Variants in RUFY1 observed in about 807,000 individuals in gnomAD.
RUFY1 encodes RUN and FYVE domain-containing protein 1.
Under a neutral mutation model 94.6 loss-of-function variants are expected in RUFY1, and 54 were observed. That is an observed-to-expected ratio of 0.57 (90% CI 0.46 to 0.72). RUFY1 has a LOEUF of 0.72. RUFY1 is among the 30% of genes least tolerant of loss of function. RUFY1 has a pLI of 0.00. For synonymous variants in RUFY1, 396 were observed against 347.3 expected, an observed-to-expected ratio of 1.14 and a Z score of -1.56; for missense variants, 883 against 883.9, an observed-to-expected ratio of 1.00 and a Z score of 0.01.
At chr5:179,609,206 CAAA>C (rs5873655) in intron 17 of RUFY1, among the ~76,000 whole-genome samples, 167 bp from the exon 18 acceptor site, 47,625 of 121,140 alleles carry the variant, frequency 0.39, 8,996 homozygotes, top group Non-Finnish European at 0.44. Context: ...GACTCTATCT[CAAA>C]AAAAAAAAAA....
In RUFY1 at chr5:179,593,493, C is replaced by CT. The variant is rs1425858478; in HGVS notation, c.1262dup (p.Glu422GlyfsTer42). 1 of 1,594,990 alleles carries CT rather than the reference C, an allele frequency of 6.3e-7. No homozygotes were observed. Among genetic ancestry groups the CT allele is most frequent in the African/African-American group, 1.3e-5 (1 of 74,522 alleles). On this transcript the variant is annotated frameshift_variant, in exon 11 of 18. Transcript: ENST00000319449. LOFTEE classifies it high-confidence loss of function. ...TCCTTTTAAGGAACTGGAAAAAGAA[C>CT]TGGAGTTACAAATTGGAATGAAAAC...
At position 179,577,159 on chromosome 5, in the gene RUFY1, CTTTTTTTTTTT is replaced by C. The variant is rs748319712; in HGVS notation, c.890+43_890+53del. 1.3e-3 allele frequency: 240 copies of C among 186,696 alleles called. 1 individual carries two copies. Among genetic ancestry groups the C allele is most frequent in the African/African-American group, 1.8e-3 (23 of 12,974 alleles). 11.6% of individuals were successfully genotyped at this position (186,696 alleles called of 1,614,324 possible). A position where few individuals can be genotyped will look rare whatever the true frequency, so the allele number is the denominator to read the frequency against. ...GGAGTAAGTACTGCGTTGTATGTCA[CTTTTTTTTTTT>C]TTTTTTTTTTTTTTTTTTTGAGACA... On this transcript the variant is annotated intron_variant, in intron 6 of 17. Coordinates refer to ENST00000319449, the MANE Select transcript of RUFY1 (RefSeq NM_025158.5).
intron 2 of RUFY1, among the ~76,000 whole-genome samples, chr5:179,560,555 TAA>T (rs35636829): frequency 7.0e-6 from 1 of 143,790 alleles, no homozygotes; most frequent in Non-Finnish European, 1.5e-5. Context: ...CGGTCTCTAC[TAA>T]AAAAAAAAAA....
chr5:179,598,596 C>A, intron 13 of RUFY1, 96 bp from the exon 14 acceptor site: 1 of 1,447,540 alleles, frequency 6.9e-7, no homozygotes, highest in Non-Finnish European at 9.6e-7. Context: ...AGAGGCAATT[C>A]AGAGACTTCC....
At chr5:179,575,631 A>C (rs1346532844) in intron 5 of RUFY1, among the ~76,000 whole-genome samples, 1 of 152,202 alleles carries the variant, frequency 6.6e-6, no homozygotes, top group Non-Finnish European at 1.5e-5. Context: ...GGTTGGAAAT[A>C]TGGATGGATT....
intron 6 of RUFY1, among the ~76,000 whole-genome samples, chr5:179,578,738 G>A (rs1763856868): frequency 6.6e-6 from 1 of 152,050 alleles, no homozygotes; most frequent in South Asian, 2.1e-4. Context: ...CCACCTCCCA[G>A]GTTCAAGCGA....
At chr5:179,552,853 A>T (rs1761929886) in intron 1 of RUFY1, among the ~76,000 whole-genome samples, 1 of 152,234 alleles carries the variant, frequency 6.6e-6, no homozygotes, top group African/African-American at 2.4e-5. Context: ...CATCTATGGA[A>T]GTGATAGAAA....
chr5:179,562,688 A>G (rs753326108), intron 3 of RUFY1, 24 bp downstream of exon 3: 2 of 1,211,174 alleles, frequency 1.7e-6, no homozygotes, highest in South Asian at 1.2e-5. Context: ...AGTTCTGCCA[A>G]TTTGATGATT....
intron 8 of RUFY1, among the ~76,000 whole-genome samples, chr5:179,587,768 T>A (rs1439793737): frequency 3.3e-5 from 5 of 151,656 alleles, no homozygotes; most frequent in African/African-American, 4.8e-5. Flanking sequence ...TGGTGGCTCA[T>A]GCCTGTAAAT....
Position 179,596,695 on chromosome 5 carries a change from A to T in RUFY1, c.1631+14A>T, listed in dbSNP as rs1581536925. Reference sequence around the variant, plus strand: ...GCACGAGCAATGGTAGGGGCCCTGCAGGGAGCCTGGGCTGGGGTGTGGCTC... The same window carrying T: ...GCACGAGCAATGGTAGGGGCCCTGCTGGGAGCCTGGGCTGGGGTGTGGCTC... On this transcript the variant is annotated intron_variant, in intron 13 of 17. Coordinates refer to ENST00000319449, the MANE Select transcript of RUFY1 (RefSeq NM_025158.5). 6.9e-7 allele frequency: 1 copy of T among 1,439,048 alleles called. No individual in the cohort carries two copies. The allele number at this position is 1,439,048 out of a possible 1,614,324, so 89.1% of individuals were successfully genotyped here. A position where few individuals can be genotyped will look rare whatever the true frequency, so the allele number is the denominator to read the frequency against.
intron 17 of RUFY1, among the ~76,000 whole-genome samples, chr5:179,607,957 G>A (rs988020203): frequency 2.6e-5 from 4 of 152,336 alleles, no homozygotes; most frequent in Middle Eastern, 3.4e-3. Flanking sequence ...TGCTCTAGGG[G>A]AGTGTCATTG....
At position 179,550,648 on chromosome 5, in the gene RUFY1, G is replaced by T; in HGVS notation, c.79G>T (p.Gly27Trp). The change falls in exon 1 of 18, where the codon GGG (glycine) becomes TGG (tryptophan). Residue 27 changes from glycine (G) to tryptophan (W), a missense_variant. Physicochemically the swap from Gly to Trp is radical, Grantham distance 184 (BLOSUM62 -2). Transcript: ENST00000319449. ...GGAGCTGGAGCCGGGGCCGGGGCCCGGGTCAGCGCTTGAGCCGGGAGAAGA... is the reference window on the plus strand; with the variant it reads ...GGAGCTGGAGCCGGGGCCGGGGCCCTGGTCAGCGCTTGAGCCGGGAGAAGA... ...EPELEPGPGPGSALEPGEEFE... is the reference protein window; with the variant it reads ...EPELEPGPGPWSALEPGEEFE... 1 of 1,438,430 alleles carries T rather than the reference G, an allele frequency of 7.0e-7. No individual in the cohort carries two copies. Among genetic ancestry groups the T allele is most frequent in the Non-Finnish European group, 9.1e-7 (1 of 1,103,474 alleles). 89.1% of individuals were successfully genotyped at this position (1,438,430 alleles called of 1,614,324 possible).
In RUFY1 at chr5:179,607,645, A is replaced by T; in HGVS notation, c.1969A>T (p.Ile657Phe). 1.9e-6 allele frequency: 3 copies of T among 1,614,032 alleles called. No homozygotes were observed. Among genetic ancestry groups the T allele is most frequent in the Non-Finnish European group, 2.5e-6 (3 of 1,179,896 alleles). Residue 657 changes from isoleucine (I) to phenylalanine (F), a missense_variant, in exon 17 of 18, where the codon ATT becomes TTT. Physicochemically the swap from Ile to Phe is conservative, Grantham distance 21. Coordinates refer to ENST00000319449, the MANE Select transcript of RUFY1 (RefSeq NM_025158.5). ...TAGGCAGTGTGAGAAGGAGTTCTCC[A>T]TTTCCCGGAGAAAGGTACGTGGGGG... is the stretch of plus-strand genomic sequence containing the variant. ...HCRQCEKEFS[I>F]SRRKHHCRNC...
intron 15 of RUFY1, among the ~76,000 whole-genome samples, chr5:179,604,715 C>T (rs755327562): frequency 6.6e-6 from 1 of 152,166 alleles, no homozygotes; most frequent in African/African-American, 2.4e-5. Flanking sequence ...GGCGTGGGGG[C>T]TCAGGCCTCT....
chr5:179,591,120 A>G (rs1765050039), intron 9 of RUFY1, among the ~76,000 whole-genome samples: 1 of 152,110 alleles, frequency 6.6e-6, no homozygotes, highest in Non-Finnish European at 1.5e-5. Flanking sequence ...GGCATGAGCC[A>G]CCACACCCAG....
chr5:179,555,556 G>A (rs1426755214), intron 1 of RUFY1: 6 of 365,106 alleles, frequency 1.6e-5, no homozygotes, highest in Admixed American at 3.2e-5. Flanking sequence ...ACCACCCAGC[G>A]CTGATTGCCT....
At chr5:179,579,349 T>C (rs1763902282) in intron 6 of RUFY1, among the ~76,000 whole-genome samples, 1 of 151,976 alleles carries the variant, frequency 6.6e-6, no homozygotes, top group Non-Finnish European at 1.5e-5. Flanking sequence ...TTTGAGACAG[T>C]TTTGTAGTTT....
intron 5 of RUFY1, among the ~76,000 whole-genome samples, chr5:179,570,374 G>A (rs1763138493): frequency 6.6e-6 from 1 of 152,210 alleles, no homozygotes; most frequent in Admixed American, 6.5e-5. Flanking sequence ...CTGCAAGCCT[G>A]GATGGGGAGT....
At chr5:179,562,337 G>A (rs184284666) in intron 2 of RUFY1, among the ~76,000 whole-genome samples, 87 of 152,222 alleles carry the variant, frequency 5.7e-4, no homozygotes, top group Non-Finnish European at 9.6e-4. Flanking sequence ...AACCCGGGAG[G>A]CAGAGGTTGT....
Sources: gnomAD v4.1 joint callset for allele counts (sites outside exome capture counted in the v4.1 genomes callset) on GRCh38, gnomAD v4.1.1 for gene constraint, MANE v1.5 for transcripts, NCBI Gene and HGNC (gene_info 2026-07-23, HGNC 2026-07-21) for gene names.